The following ANGPT1 variants were observed in gnomAD, a reference collection of about 807,000 sequenced individuals.
ANGPT1 encodes angiopoietin 1, also known as angiopoietin-1.
Under a neutral mutation model 62.2 loss-of-function variants are expected in ANGPT1, and 17 were observed. That is an observed-to-expected ratio of 0.27 (90% CI 0.19 to 0.41). The LOEUF (loss-of-function observed/expected upper bound fraction) is 0.41, where lower values mean the gene tolerates loss of function less well. Among genes scored for constraint, ANGPT1 ranks in the 10% least tolerant of loss-of-function variants. ANGPT1 has a pLI of 1.00. For missense variants in ANGPT1, 478 were observed against 594.9 expected (o/e 0.80, Z 2.04); for synonymous variants, 199 against 198.9 (o/e 1.00, Z 0.00).
At chr8:107,261,386 C>T (rs1813486525) in intron 8 of ANGPT1, among the ~76,000 whole-genome samples, 1 of 151,686 alleles carries the variant, frequency 6.6e-6, no homozygotes, top group South Asian at 2.1e-4. Flanking sequence ...AAATATGATG[C>T]CAAAAGGATA....
In ANGPT1 at chr8:107,339,964, T is replaced by C. The variant is rs1473652422; in HGVS notation, c.454-3693A>G. On this transcript the variant is annotated intron_variant, in intron 2 of 8. Transcript: ENST00000517746. Reference sequence around the variant, plus strand: ...AGATCAGGGCAGTTTAGAGCACAAATGCCAATCCCTCCTCTTCTTTCCCCA... The same window carrying C: ...AGATCAGGGCAGTTTAGAGCACAAACGCCAATCCCTCCTCTTCTTTCCCCA... Among the ~76,000 whole-genome samples the C allele has an allele frequency of 1.3e-5, 2 of 152,154 alleles. 1 individual carries two copies. The highest frequency in any genetic ancestry group is 2.9e-5 in the Non-Finnish European group (2 of 68,014).
intron 3 of ANGPT1, among the ~76,000 whole-genome samples, chr8:107,330,547 G>C (rs972572345): frequency 6.6e-6 from 1 of 152,158 alleles, no homozygotes; most frequent in African/African-American, 2.4e-5. Context: ...TTGGTTGAGA[G>C]GGAATTAATA....
intron 3 of ANGPT1, chr8:107,322,739 A>T: frequency 3.0e-6 from 1 of 330,534 alleles, no homozygotes; most frequent in South Asian, 2.6e-5. Context: ...ACTGTTGAAA[A>T]TATTTTTAAT....
At position 107,497,280 on chromosome 8, in the gene ANGPT1, A is replaced by G. The variant is rs369990068; in HGVS notation, c.279T>C (p.Tyr93=). Residue 93 remains tyrosine, a synonymous_variant, in exon 1 of 9, where the codon TAT becomes TAC. Coordinates refer to ENST00000517746, the MANE Select transcript of ANGPT1 (RefSeq NM_001146.5). ...LQHLEHVMEN[Y]TQWLQKLENY... is the part of the protein sequence containing the mutation. ...CACTTACTTTTTGCAGCCACTGAGT[A>G]TAATTTTCCATCACATGTTCCAGAT... 47 of 1,614,048 alleles carry G rather than the reference A, an allele frequency of 2.9e-5. No homozygotes were observed. The highest frequency in any genetic ancestry group is 7.7e-5 in the South Asian group (7 of 91,090).
At chr8:107,452,917 A>T (rs1811817144) in intron 1 of ANGPT1, among the ~76,000 whole-genome samples, 1 of 152,104 alleles carries the variant, frequency 6.6e-6, no homozygotes, top group Non-Finnish European at 1.5e-5. Flanking sequence ...CACACTAGAC[A>T]TTCTGAAAAT....
Position 107,417,184 on chromosome 8 carries a change from A to G in ANGPT1, c.298-70087T>C, listed in dbSNP as rs568598074. ...AGAAATAAAAAGGGACATGGGAGTT[A>G]TAAGCCAGAAACCATGGATAAAAAC... On this transcript the variant is annotated intron_variant, in intron 1 of 8. Coordinates refer to ENST00000517746, the MANE Select transcript of ANGPT1 (RefSeq NM_001146.5). 5.3e-5 allele frequency among the ~76,000 whole-genome samples: 8 copies of G among 152,328 alleles called. No homozygotes were observed. The South Asian group carries it at 1.7e-3, about 32-fold the overall frequency.
intron 1 of ANGPT1, among the ~76,000 whole-genome samples, chr8:107,488,094 T>G (rs1812860832): frequency 6.6e-6 from 1 of 152,204 alleles, no homozygotes; most frequent in Admixed American, 6.5e-5. Flanking sequence ...CTCTATTATC[T>G]TATCAAATTT....
At chr8:107,446,048 G>T (rs1360135250) in intron 1 of ANGPT1, among the ~76,000 whole-genome samples, 1 of 152,138 alleles carries the variant, frequency 6.6e-6, no homozygotes. Flanking sequence ...CTCCTGAGTA[G>T]CTGGGACAAC....
At chr8:107,284,903 T>C (rs1190179874) in intron 6 of ANGPT1, 55 bp from the exon 7 acceptor site, 4 of 1,309,710 alleles carry the variant, frequency 3.1e-6, no homozygotes, top group Non-Finnish European at 4.0e-6. Flanking sequence ...TCTTTTCATG[T>C]TCAGCATTTA....
At chr8:107,425,659 C>T (rs577904332) in intron 1 of ANGPT1, among the ~76,000 whole-genome samples, 5 of 152,196 alleles carry the variant, frequency 3.3e-5, no homozygotes, top group Admixed American at 6.5e-5. Context: ...TGTGAGAGGC[C>T]GATCCTGGGG....
intron 4 of ANGPT1, among the ~76,000 whole-genome samples, chr8:107,309,267 G>A (rs1814793040): frequency 2.6e-5 from 4 of 152,136 alleles, no homozygotes. Context: ...TTTGTTCAAG[G>A]ATAGTCCTTG....
In ANGPT1 at chr8:107,497,591, G is replaced by A. The variant is rs1333235035; in HGVS notation, c.-33C>T. On this transcript the variant is annotated 5_prime_UTR_variant, in exon 1 of 9. Transcript: ENST00000517746. ...CCAGCACACTCCTTCCGTGCCTCTC[G>A]CAAAACTTGCTCCTTTCTTCTGACC... is the stretch of plus-strand genomic sequence containing the variant. 1.3e-6 allele frequency: 2 copies of A among 1,590,732 alleles called. No individual in the cohort carries two copies. The highest frequency in any genetic ancestry group is 1.7e-6 in the Non-Finnish European group (2 of 1,166,012).
At chr8:107,421,637 G>C (rs1303010374) in intron 1 of ANGPT1, among the ~76,000 whole-genome samples, 2 of 152,138 alleles carry the variant, frequency 1.3e-5, no homozygotes, top group South Asian at 2.1e-4. Context: ...TATCAGGTCC[G>C]GTGTGAAAGC....
At chr8:107,268,023 CACTT>C (rs1813653995) in intron 7 of ANGPT1, among the ~76,000 whole-genome samples, 1 of 152,038 alleles carries the variant, frequency 6.6e-6, no homozygotes, top group Admixed American at 6.6e-5. Flanking sequence ...TTCATGATGA[CACTT>C]ACTTGCTGTA....
intron 1 of ANGPT1, among the ~76,000 whole-genome samples, chr8:107,348,507 A>T (rs905332946): frequency 3.9e-5 from 6 of 152,134 alleles, no homozygotes; most frequent in African/African-American, 7.2e-5. Context: ...ATTCCCCTTC[A>T]TTCATTTTTC....
At chr8:107,321,780 GTTC>G in intron 4 of ANGPT1, 113 bp downstream of exon 4, 4 of 774,454 alleles carry the variant, frequency 5.2e-6, no homozygotes, top group Non-Finnish European at 8.1e-6. Context: ...TAACCATAAA[GTTC>G]TTCTGCTATT....
intron 1 of ANGPT1, among the ~76,000 whole-genome samples, chr8:107,485,967 C>T (rs752726940): frequency 3.3e-5 from 5 of 152,130 alleles, no homozygotes; most frequent in South Asian, 2.1e-4. Context: ...GGACTGCAGA[C>T]GTGGGATTCT....
At chr8:107,465,758 T>C (rs1812182349) in intron 1 of ANGPT1, among the ~76,000 whole-genome samples, 1 of 152,190 alleles carries the variant, frequency 6.6e-6, no homozygotes, top group Non-Finnish European at 1.5e-5. Flanking sequence ...GAGACTTGAT[T>C]CTAAATAGAA....
chr8:107,457,005 T>C (rs1430847970), intron 1 of ANGPT1, among the ~76,000 whole-genome samples: 1 of 152,080 alleles, frequency 6.6e-6, no homozygotes, highest in Non-Finnish European at 1.5e-5. Flanking sequence ...TTTGAGCCAA[T>C]AGAAGATGTG....
Sources: allele counts gnomAD v4.1 joint callset (sites outside exome capture counted in the v4.1 genomes callset), GRCh38; gene constraint gnomAD v4.1.1; transcripts MANE v1.5; gene names NCBI Gene and HGNC (gene_info 2026-07-23, HGNC 2026-07-21).